The following ISCA1 variants were observed in gnomAD, a reference collection of about 807,000 sequenced individuals.
The protein encoded by ISCA1 is iron-sulfur cluster assembly 1 homolog, mitochondrial.
Under a neutral mutation model 14.7 loss-of-function variants are expected in ISCA1, and 9 were observed. The ratio of observed to expected loss-of-function variants is 0.61; its 90% CI spans 0.37 to 1.07. The LOEUF is 1.07. ISCA1 is among the 50% of genes least tolerant of loss of function. ISCA1 has a pLI of 0.01. For missense variants in ISCA1, 102 were observed against 150.1 expected (o/e 0.68, Z 1.67); for synonymous variants, 38 against 54.3 (o/e 0.70, Z 1.32).
At chr9:86,282,331 G>T (rs1564011433) in intron 1 of ISCA1, 47 bp downstream of exon 1, 2 of 1,526,872 alleles carry the variant, frequency 1.3e-6, no homozygotes, top group Admixed American at 4.0e-5. Context: ...TGCACGGGGC[G>T]GACACGAGCA....
chr9:86,282,305 C>T (rs1375144050), intron 1 of ISCA1, 73 bp downstream of exon 1: 2 of 1,470,708 alleles, frequency 1.4e-6, no homozygotes, highest in African/African-American at 1.4e-5. Flanking sequence ...CACTCCCGGC[C>T]GCCGTGACCT....
rs1268022734 is a variant in ISCA1 at position 86,282,520 on chromosome 9, T to C, written c.-62A>G. 1.9e-6 allele frequency: 3 copies of C among 1,549,426 alleles called. No individual in the cohort carries two copies. The highest frequency in any genetic ancestry group is 1.7e-6 in the Non-Finnish European group (2 of 1,146,512). ...GGTCGGCCGCCTCAGCTTCTCTCCA[T>C]GGACACGGCGGGCGCATTGACGCCA... is the stretch of plus-strand genomic sequence containing the variant. On this transcript the variant is annotated 5_prime_UTR_variant, in exon 1 of 4. The change abolishes an upstream ATG in the 5' untranslated region. Coordinates refer to ENST00000375991, the MANE Select transcript of ISCA1 (RefSeq NM_030940.4).
intron 2 of ISCA1, among the ~76,000 whole-genome samples, 183 bp from the exon 3 acceptor site, chr9:86,272,295 C>T (rs1051409942): frequency 4.6e-5 from 7 of 152,188 alleles, no homozygotes; most frequent in African/African-American, 9.6e-5. Context: ...GCTTCCACCT[C>T]GGCCTCTCAA....
intron 1 of ISCA1, among the ~76,000 whole-genome samples, chr9:86,275,638 T>C (rs930591850): frequency 1.3e-5 from 2 of 152,232 alleles, no homozygotes; most frequent in Non-Finnish European, 2.9e-5. Flanking sequence ...AAACTTTTAA[T>C]TCAGTTATTA....
At chr9:86,281,310 T>C (rs1587822447) in intron 1 of ISCA1, among the ~76,000 whole-genome samples, 2 of 152,348 alleles carry the variant, frequency 1.3e-5, no homozygotes, top group Non-Finnish European at 2.9e-5. Context: ...TCTCACCTGA[T>C]CACAATTTTC....
chr9:86,269,845 G>T (rs1353168225), intron 3 of ISCA1, among the ~76,000 whole-genome samples: 1 of 152,176 alleles, frequency 6.6e-6, no homozygotes, highest in Non-Finnish European at 1.5e-5. Context: ...ATGGGGAAAG[G>T]ATTCTCTATT....
At chr9:86,281,747 G>A (rs2131229644) in intron 1 of ISCA1, among the ~76,000 whole-genome samples, 1 of 152,316 alleles carries the variant, frequency 6.6e-6, no homozygotes, top group South Asian at 2.1e-4. Flanking sequence ...ACTCACTCTG[G>A]GAAATCATCT....
At chr9:86,277,301 T>C (rs1012155303) in intron 1 of ISCA1, among the ~76,000 whole-genome samples, 1 of 152,148 alleles carries the variant, frequency 6.6e-6, no homozygotes, top group Non-Finnish European at 1.5e-5. Context: ...GGAACTAAAA[T>C]ATGTCTTAAT....
intron 3 of ISCA1, among the ~76,000 whole-genome samples, chr9:86,271,750 T>G (rs1825370809): frequency 6.6e-6 from 1 of 152,220 alleles, no homozygotes; most frequent in Non-Finnish European, 1.5e-5. Context: ...CTAGGCCACT[T>G]ATTATGACCT....
chr9:86,269,305 CAG>C (rs1264235105), intron 3 of ISCA1, among the ~76,000 whole-genome samples: 2 of 152,180 alleles, frequency 1.3e-5, no homozygotes, highest in Non-Finnish European at 2.9e-5. Flanking sequence ...AACAGACAAA[CAG>C]AGAGTCAAAT....
intron 1 of ISCA1, among the ~76,000 whole-genome samples, chr9:86,278,907 T>C (rs1418853431): frequency 1.3e-5 from 2 of 152,198 alleles, no homozygotes; most frequent in African/African-American, 4.8e-5. Context: ...TGAAGATTTA[T>C]AACGCTGAAA....
chr9:86,267,185 A>ACAGTGAACCATGATTGTGCCT (rs1564008162), intron 3 of ISCA1: 20 of 301,546 alleles, frequency 6.6e-5, no homozygotes, highest in Admixed American at 5.8e-4. Context: ...TGATTGTGCC[A>ACAGTGAACCATGATTGTGCCT]CTGCACTCCA....
At chr9:86,269,644 A>G (rs1015609953) in intron 3 of ISCA1, among the ~76,000 whole-genome samples, 1 of 152,148 alleles carries the variant, frequency 6.6e-6, no homozygotes, top group African/African-American at 2.4e-5. Flanking sequence ...GTCAATCCTA[A>G]GCCAAAAGAA....
intron 2 of ISCA1, among the ~76,000 whole-genome samples, chr9:86,272,857 T>C (rs1825388676): frequency 6.6e-6 from 1 of 152,242 alleles, no homozygotes; most frequent in Non-Finnish European, 1.5e-5. Context: ...AAACAGTTGT[T>C]ATACTGTATT....
At chr9:86,280,228 C>T (rs944073133) in intron 1 of ISCA1, among the ~76,000 whole-genome samples, 1 of 152,112 alleles carries the variant, frequency 6.6e-6, no homozygotes, top group African/African-American at 2.4e-5. Context: ...TCTTGAAACA[C>T]AGCAGATCTT....
In ISCA1 at chr9:86,269,079, C is replaced by T. The variant is rs1247852194; in HGVS notation, c.242-2888G>A. Among the ~76,000 whole-genome samples the T allele has an allele frequency of 3.9e-5, 6 of 152,164 alleles. No individual in the cohort carries two copies. The East Asian group carries it at 9.6e-4, about 24-fold the overall frequency. ...AAAGTGCTGGGATTACACAGGTGAG[C>T]CACCACGCCTGGCCAGTGCACTACA... On this transcript the variant is annotated intron_variant, in intron 3 of 3. Coordinates refer to ENST00000375991, the MANE Select transcript of ISCA1 (RefSeq NM_030940.4).
intron 3 of ISCA1, among the ~76,000 whole-genome samples, chr9:86,270,007 A>G (rs1315672336): frequency 2.0e-5 from 3 of 151,706 alleles, no homozygotes; most frequent in African/African-American, 7.3e-5. Context: ...AAACCTAGGC[A>G]TTACCATTCA....
At chr9:86,270,500 G>T (rs1042258058) in intron 3 of ISCA1, among the ~76,000 whole-genome samples, 1 of 150,330 alleles carries the variant, frequency 6.7e-6, no homozygotes, top group Non-Finnish European at 1.5e-5. Flanking sequence ...TGGTGGGACT[G>T]TAAACTAGTT....
rs1488821221 is a variant in ISCA1 at position 86,265,416 on chromosome 9, TC to T, written c.*626del. 6.6e-6 allele frequency: 1 copy of T among 152,624 alleles called. No homozygotes were observed. Among genetic ancestry groups the T allele is most frequent in the East Asian group, 1.9e-4 (1 of 5,190 alleles). 9.5% of individuals were successfully genotyped at this position (152,624 alleles called of 1,614,324 possible). A position where few individuals can be genotyped will look rare whatever the true frequency, so the allele number is the denominator to read the frequency against. ...ATCAAAGTCAGCTTGAGAGCCCATC[TC>T]TGAACAGACATATAGGGTGGCAAAA... On this transcript the variant is annotated 3_prime_UTR_variant, in exon 4 of 4. Coordinates refer to ENST00000375991, the MANE Select transcript of ISCA1 (RefSeq NM_030940.4).
Sources: allele counts gnomAD v4.1 joint callset (sites outside exome capture counted in the v4.1 genomes callset), GRCh38; gene constraint gnomAD v4.1.1; transcripts MANE v1.5; gene names NCBI Gene and HGNC (gene_info 2026-07-23, HGNC 2026-07-21).